Variants in CCSER1 observed in about 807,000 individuals in gnomAD.
CCSER1 encodes the protein coiled-coil serine rich protein 1, also known as serine-rich coiled-coil domain-containing protein 1.
CCSER1 carries 41 observed loss-of-function variants against 82.0 expected under a neutral mutation model. The observed-to-expected ratio is 0.50, with a 90% CI of 0.39 to 0.65. The LOEUF is 0.65. CCSER1 is among the 30% of genes least tolerant of loss of function. The pLI is 0.00. For synonymous variants in CCSER1, 414 were observed against 383.9 expected, an observed-to-expected ratio of 1.08 and a Z score of -0.92; for missense variants, 1,119 against 1,064.2, an observed-to-expected ratio of 1.05 and a Z score of -0.72.
chr4:91,311,568 A>C (rs977685348), intron 10 of CCSER1, among the ~76,000 whole-genome samples: 1 of 151,918 alleles, frequency 6.6e-6, no homozygotes, highest in Admixed American at 6.6e-5. Flanking sequence ...TCTGTGGTGG[A>C]AGTAAATGTA....
At chr4:91,474,812 TAC>T (rs67642697) in intron 10 of CCSER1, among the ~76,000 whole-genome samples, 71 of 66,100 alleles carry the variant, frequency 1.1e-3, no homozygotes, top group Middle Eastern at 6.7e-3. Flanking sequence ...TATATATATA[TAC>T]ACACACACAC....
At chr4:91,067,502 C>T (rs543111049) in intron 9 of CCSER1, among the ~76,000 whole-genome samples, 1 of 152,130 alleles carries the variant, frequency 6.6e-6, no homozygotes, top group South Asian at 2.1e-4. Flanking sequence ...TGCCCTACCA[C>T]CCCTGGGTAA....
intron 10 of CCSER1, among the ~76,000 whole-genome samples, chr4:91,279,717 A>G (rs80279848): frequency 0.014 from 2,163 of 152,166 alleles, 53 homozygotes; most frequent in African/African-American, 0.05. Flanking sequence ...AAATAACACT[A>G]CTTTGAATTA....
chr4:91,440,242 G>C (rs76010875), intron 10 of CCSER1, among the ~76,000 whole-genome samples: 1 of 152,028 alleles, frequency 6.6e-6, no homozygotes, highest in South Asian at 2.1e-4. Flanking sequence ...AAACATAAAA[G>C]AACAGAAATT....
intron 10 of CCSER1, among the ~76,000 whole-genome samples, chr4:91,294,452 C>G (rs933321171): frequency 4.6e-5 from 7 of 151,750 alleles, no homozygotes; most frequent in Non-Finnish European, 8.8e-5. Flanking sequence ...ATCTGCTTGT[C>G]TTAGTTTCCT....
intron 3 of CCSER1, among the ~76,000 whole-genome samples, chr4:90,388,660 A>T (rs1173689703): frequency 7.0e-6 from 1 of 143,776 alleles, no homozygotes; most frequent in African/African-American, 2.6e-5. Context: ...TTTGAGACGA[A>T]GTCTCATTCT....
At chr4:91,563,877 A>G (rs569205156) in intron 10 of CCSER1, among the ~76,000 whole-genome samples, 44 of 151,800 alleles carry the variant, frequency 2.9e-4, no homozygotes, top group Admixed American at 1.1e-3. Flanking sequence ...ATACAAAGTT[A>G]GTTCTGTTTT....
intron 9 of CCSER1, among the ~76,000 whole-genome samples, chr4:90,982,427 T>G (rs752903325): frequency 3.3e-5 from 5 of 151,698 alleles, no homozygotes; most frequent in African/African-American, 4.8e-5. Flanking sequence ...ACACAAATAC[T>G]CAGTCCATAG....
intron 7 of CCSER1, among the ~76,000 whole-genome samples, chr4:90,783,962 G>A (rs952456684): frequency 1.3e-5 from 2 of 151,708 alleles, no homozygotes; most frequent in African/African-American, 4.8e-5. Flanking sequence ...AGCACATGCT[G>A]CAACTTACAA....
At chr4:90,874,423 A>T (rs1276369659) in intron 8 of CCSER1, among the ~76,000 whole-genome samples, 1 of 129,900 alleles carries the variant, frequency 7.7e-6, no homozygotes, top group Admixed American at 7.4e-5. Flanking sequence ...CTTTAGAAGA[A>T]GTTTTTTTTC....
rs545544233 is a variant in CCSER1 at position 90,711,260 on chromosome 4, G to A, written c.1933-12654G>A. Among the ~76,000 whole-genome samples, 5 of 152,078 alleles carry A rather than the reference G, an allele frequency of 3.3e-5. No homozygotes were observed. In the East Asian group the frequency reaches 7.7e-4, roughly 24 times the overall value. On this transcript the variant is annotated intron_variant, in intron 6 of 10. Coordinates refer to ENST00000509176, the MANE Select transcript of CCSER1 (RefSeq NM_001145065.2). ...TATGGTTGGGTTTTCTAGATATAGT[G>A]TCATGTTATCTGTAAGCAAAGATAA...
chr4:90,481,093 C>T (rs1320500199), intron 5 of CCSER1, among the ~76,000 whole-genome samples: 1 of 152,176 alleles, frequency 6.6e-6, no homozygotes, highest in Admixed American at 6.5e-5. Context: ...AGGTCCTTCA[C>T]ATCCCTTGTA....
chr4:90,818,528 C>T (rs75816355), intron 8 of CCSER1, among the ~76,000 whole-genome samples: 8,864 of 152,212 alleles, frequency 0.058, 589 homozygotes, highest in African/African-American at 0.17. Context: ...CTGCCCACCT[C>T]GGTTTCCCAA....
At chr4:90,897,596 C>T (rs1723908921) in intron 8 of CCSER1, among the ~76,000 whole-genome samples, 1 of 151,984 alleles carries the variant, frequency 6.6e-6, no homozygotes, top group African/African-American at 2.4e-5. Context: ...CTGCAGTAAA[C>T]ATAAGAGTGC....
rs1752616598 is a variant in CCSER1, at chr4:90,400,192, T to C, written c.1603+63T>C. On this transcript the variant is annotated intron_variant, in intron 4 of 10. Coordinates refer to ENST00000509176, the MANE Select transcript of CCSER1 (RefSeq NM_001145065.2). ...TACCCTGGTCAGTAGCTTTCACTGATAGCCTAAACACTGTTAAGGCTGCCT... is the reference window on the plus strand; with the variant it reads ...TACCCTGGTCAGTAGCTTTCACTGACAGCCTAAACACTGTTAAGGCTGCCT... The C allele has an allele frequency of 3.5e-6, 3 of 851,924 alleles. No homozygotes were observed. The East Asian group carries it at 7.6e-5, about 22-fold the overall frequency. 52.8% of individuals were successfully genotyped at this position (851,924 alleles called of 1,614,324 possible).
intron 4 of CCSER1, among the ~76,000 whole-genome samples, chr4:90,455,435 C>T (rs1451574450): frequency 6.6e-6 from 1 of 152,112 alleles, no homozygotes; most frequent in Non-Finnish European, 1.5e-5. Context: ...TTCTTCTCTC[C>T]AGAGTCTGAG....
At chr4:90,836,133 A>G (rs1376900358) in intron 8 of CCSER1, among the ~76,000 whole-genome samples, 10 of 152,132 alleles carry the variant, frequency 6.6e-5, no homozygotes, top group Admixed American at 6.6e-4. Flanking sequence ...TTGGATAAAA[A>G]ATTCTTAGGT....
chr4:91,238,630 T>C (rs924022069), intron 10 of CCSER1, among the ~76,000 whole-genome samples: 2 of 152,156 alleles, frequency 1.3e-5, no homozygotes, highest in African/African-American at 4.8e-5. Flanking sequence ...TTATTATTAT[T>C]ATTATTTTAA....
chr4:91,226,565 C>T (rs191079266), intron 10 of CCSER1, among the ~76,000 whole-genome samples: 292 of 151,946 alleles, frequency 1.9e-3, no homozygotes, highest in Non-Finnish European at 3.1e-3. Context: ...TTGGATTGGA[C>T]TCTGGAAAGT....
Sources: allele counts gnomAD v4.1 joint callset (sites outside exome capture counted in the v4.1 genomes callset), GRCh38; gene constraint gnomAD v4.1.1; transcripts MANE v1.5; gene names NCBI Gene and HGNC (gene_info 2026-07-23, HGNC 2026-07-21).